The following PM20D2 variants were observed in gnomAD, a reference collection of about 807,000 sequenced individuals.
The protein encoded by PM20D2 is peptidase M20 domain containing 2.
A neutral mutation model predicts 42.9 loss-of-function variants in PM20D2; 33 were observed. That is an observed-to-expected ratio of 0.77 (90% confidence interval 0.58 to 1.03). The LOEUF is 1.03. Among genes scored for constraint, PM20D2 ranks in the 50% least tolerant of loss-of-function variants. The pLI is 0.00. For synonymous variants in PM20D2, 250 were observed against 228.2 expected, an observed-to-expected ratio of 1.10 and a Z score of -0.86; for missense variants, 548 against 557.0, an observed-to-expected ratio of 0.98 and a Z score of 0.16.
At chr6:89,116,462 T>C in the PM20D2 span, among the ~76,000 whole-genome samples, 1 of 152,208 alleles carries the variant, frequency 6.6e-6, no homozygotes, top group South Asian at 2.1e-4. Flanking sequence ...TTGTGATACA[T>C]GTACTTGCGG....
chr6:89,125,959 G>A, the PM20D2 span, among the ~76,000 whole-genome samples: 1 of 152,032 alleles, frequency 6.6e-6, no homozygotes, highest in East Asian at 1.9e-4. Context: ...TGGGGTGGGT[G>A]CCTGTAGCCC....
the PM20D2 span, chr6:89,099,064 C>G: frequency 8.0e-7 from 1 of 1,254,816 alleles, no homozygotes; most frequent in Non-Finnish European, 1.1e-6. Flanking sequence ...ACTAGATAAG[C>G]TAAAAAAATT....
chr6:89,116,776 A>T, the PM20D2 span, among the ~76,000 whole-genome samples: 2 of 44,486 alleles, frequency 4.5e-5, no homozygotes, highest in African/African-American at 1.2e-4. Context: ...ACTTTGTCTA[A>T]AAAAAAAAAA....
chr6:89,136,452 CG>C, the PM20D2 span, among the ~76,000 whole-genome samples: 1 of 150,692 alleles, frequency 6.6e-6, no homozygotes, highest in Non-Finnish European at 1.5e-5. Flanking sequence ...CTGAGGCGGG[CG>C]GATCACAAGG....
At chr6:89,141,371 A>T (rs1770287701), upstream of PM20D2, among the ~76,000 whole-genome samples, 1 of 151,954 alleles carries the variant, frequency 6.6e-6, no homozygotes, top group Non-Finnish European at 1.5e-5. Flanking sequence ...TTAATTTTTT[A>T]AATTATTTTT....
At chr6:89,112,319 T>C in the PM20D2 span, among the ~76,000 whole-genome samples, 454 of 152,312 alleles carry the variant, frequency 3.0e-3, no homozygotes, top group Non-Finnish European at 4.6e-3. Context: ...CTTTTAATTT[T>C]TTAAAAATTT....
intron 6 of PM20D2, 55 bp downstream of exon 6, chr6:89,161,945 G>T (rs559624508): frequency 6.6e-7 from 1 of 1,514,740 alleles, no homozygotes; most frequent in South Asian, 1.1e-5. Flanking sequence ...TCTGGTAGTA[G>T]CTGCCTTTCT....
intron 2 of PM20D2, among the ~76,000 whole-genome samples, chr6:89,149,970 TA>T (rs1770772144): frequency 6.6e-6 from 1 of 152,246 alleles, no homozygotes; most frequent in African/African-American, 2.4e-5. Flanking sequence ...ACTCACTTTT[TA>T]GTACCTAGGA....
At chr6:89,151,035 C>T (rs1244735379) in intron 2 of PM20D2, among the ~76,000 whole-genome samples, 1 of 151,176 alleles carries the variant, frequency 6.6e-6, no homozygotes, top group Non-Finnish European at 1.5e-5. Context: ...CCTGTAATCC[C>T]AGCTACTTGG....
the PM20D2 span, chr6:89,106,914 C>A: frequency 1.1e-5 from 6 of 539,938 alleles, no homozygotes; most frequent in Non-Finnish European, 2.1e-5. Context: ...CTCCTTGATG[C>A]TTGAACTTTA....
chr6:89,132,288 C>T, the PM20D2 span, among the ~76,000 whole-genome samples: 1 of 151,692 alleles, frequency 6.6e-6, no homozygotes, highest in African/African-American at 2.4e-5. Flanking sequence ...TGGGCCGTTC[C>T]CTTCCCTCCA....
chr6:89,147,482 T>C (rs1582331792), intron 1 of PM20D2, among the ~76,000 whole-genome samples: 1 of 152,174 alleles, frequency 6.6e-6, no homozygotes, highest in South Asian at 2.1e-4. Context: ...TTTCTGTCTC[T>C]GGAGGCTCGT....
At chr6:89,111,664 T>C in the PM20D2 span, among the ~76,000 whole-genome samples, 1 of 152,190 alleles carries the variant, frequency 6.6e-6, no homozygotes, top group Non-Finnish European at 1.5e-5. Context: ...GGTTAGGACC[T>C]GCAATAAAAC....
chr6:89,132,953 C>T, the PM20D2 span, among the ~76,000 whole-genome samples: 1 of 148,976 alleles, frequency 6.7e-6, no homozygotes, highest in Non-Finnish European at 1.5e-5. Context: ...CCAGATGCGG[C>T]GGCTCATACC....
chr6:89,161,370 A>G (rs1000345234), intron 5 of PM20D2, among the ~76,000 whole-genome samples: 4 of 152,162 alleles, frequency 2.6e-5, no homozygotes, highest in African/African-American at 9.7e-5. Flanking sequence ...AGGGGCCTGG[A>G]ATGGAGTCTC....
chr6:89,117,723 C>A, the PM20D2 span: 1 of 1,210,564 alleles, frequency 8.3e-7, no homozygotes, highest in Non-Finnish European at 1.1e-6. Context: ...AGGCTCCGCG[C>A]AGCTCCCCCG....
At chr6:89,153,448 C>G (rs560560376) in intron 3 of PM20D2, among the ~76,000 whole-genome samples, 1 of 151,640 alleles carries the variant, frequency 6.6e-6, no homozygotes, top group Non-Finnish European at 1.5e-5. Flanking sequence ...ATGTAAGGGG[C>G]TGTGTTCTTT....
At chr6:89,102,498 T>A in the PM20D2 span, among the ~76,000 whole-genome samples, 5 of 152,120 alleles carry the variant, frequency 3.3e-5, no homozygotes, top group Admixed American at 2.0e-4. Context: ...CTGGAATAAA[T>A]TCACAGTCTT....
intron 4 of PM20D2, among the ~76,000 whole-genome samples, chr6:89,157,915 G>C (rs1318852532): frequency 1.3e-5 from 2 of 152,224 alleles, no homozygotes; most frequent in African/African-American, 2.4e-5. Context: ...GCTAAGGCAG[G>C]AGAATCATTT....
Sources: allele counts gnomAD v4.1 joint callset (sites outside exome capture counted in the v4.1 genomes callset), GRCh38; gene constraint gnomAD v4.1.1; transcripts MANE v1.5; gene names NCBI Gene and HGNC (gene_info 2026-07-23, HGNC 2026-07-21).